The following EFTUD2 variants were observed in gnomAD, a reference collection of about 807,000 sequenced individuals.
EFTUD2 encodes elongation factor Tu GTP binding domain containing 2.
A neutral mutation model predicts 114.3 loss-of-function variants in EFTUD2; 9 were observed. The observed-to-expected ratio is 0.08, with a 90% CI of 0.05 to 0.14. The LOEUF is 0.14. Among genes scored for constraint, EFTUD2 ranks in the 10% least tolerant of loss-of-function variants. The pLI, the probability that EFTUD2 is intolerant of heterozygous loss-of-function variation, is 1.00. For missense variants in EFTUD2, 765 were observed against 1,241.2 expected (o/e 0.62, Z 5.76); for synonymous variants, 449 against 462.3 (o/e 0.97, Z 0.37).
At chr17:44,863,108 C>CTT (rs35450462) in intron 15 of EFTUD2, 641 of 268,258 alleles carry the variant, frequency 2.4e-3, no homozygotes, top group Middle Eastern at 5.1e-3. Flanking sequence ...ATATTCTCCT[C>CTT]TTTTTTTTTT....
intron 13 of EFTUD2, chr17:44,865,346 G>C: frequency 3.0e-6 from 1 of 330,716 alleles, no homozygotes; most frequent in Non-Finnish European, 5.5e-6. Flanking sequence ...TGTCTGAAAA[G>C]CAGCATCTCC....
intron 9 of EFTUD2, among the ~76,000 whole-genome samples, chr17:44,876,953 G>A (rs1190254156): frequency 2.0e-5 from 3 of 151,222 alleles, no homozygotes; most frequent in African/African-American, 7.3e-5. Flanking sequence ...AGCATTTTGG[G>A]GAGGCCAAGG....
intron 5 of EFTUD2, 56 bp downstream of exon 5, chr17:44,883,593 C>T: frequency 2.0e-6 from 3 of 1,536,776 alleles, no homozygotes; most frequent in Non-Finnish European, 1.8e-6. Context: ...AGGGCTAAAA[C>T]ATGAGCAGGT....
chr17:44,888,516 G>A (rs1446864438), intron 2 of EFTUD2, among the ~76,000 whole-genome samples: 1 of 152,216 alleles, frequency 6.6e-6, no homozygotes, highest in Admixed American at 6.5e-5. Context: ...GAAGCAAGAA[G>A]ATTAGTTAGG....
intron 19 of EFTUD2, chr17:44,857,441 G>A: frequency 2.8e-6 from 1 of 360,824 alleles, no homozygotes; most frequent in Admixed American, 3.7e-5. Flanking sequence ...GTAGCTCTCA[G>A]CATCCATTCA....
In EFTUD2 at chr17:44,886,595, C is replaced by T; in HGVS notation, c.261G>A (p.Gln87=). The part of the protein sequence containing the change: ...VETIVQEEDT[Q]PLTEPIIKPV... ...GTCCTCCTGATGTACCTGTGAGAGG[C>T]TGAGTGTCTTCCTCTTGAACTATGG... Residue 87 remains glutamine, a synonymous_variant, in exon 3 of 28, where the codon CAG becomes CAA. Transcript: ENST00000426333. 6 of 1,614,176 alleles carry T rather than the reference C, an allele frequency of 3.7e-6. No homozygotes were observed. Among genetic ancestry groups the T allele is most frequent in the South Asian group, 1.1e-5 (1 of 91,082 alleles).
chr17:44,853,874 G>C (rs146907684), intron 23 of EFTUD2: 2 of 1,391,526 alleles, frequency 1.4e-6, no homozygotes, highest in African/African-American at 2.9e-5. Flanking sequence ...AGCTTTCCTA[G>C]AAGTTTATTT....
intron 9 of EFTUD2, among the ~76,000 whole-genome samples, chr17:44,878,641 T>C (rs1437093374): frequency 6.6e-6 from 1 of 152,260 alleles, no homozygotes; most frequent in Non-Finnish European, 1.5e-5. Context: ...AATATTTTAC[T>C]TTCAAACAGT....
rs1326032794 is a variant in EFTUD2, at chr17:44,859,090, A to G, written c.1952T>C (p.Ile651Thr). The G allele has an allele frequency of 6.2e-7, 1 of 1,611,278 alleles. No homozygotes were observed. Among genetic ancestry groups the G allele is most frequent in the Non-Finnish European group, 8.5e-7 (1 of 1,177,404 alleles). The change falls in exon 19 of 28, where the codon ATA becomes ACA. Residue 651 changes from isoleucine to threonine, a missense_variant. By Grantham distance (89) the Ile-to-Thr change is moderately conservative. This residue lies in a region of EFTUD2 where 149 missense variants were observed against 245.1 expected (regional missense o/e 0.61). Transcript: ENST00000426333. ...MHDLRKMYSEIDIKVADPVVT... is the reference protein window; with the variant it reads ...MHDLRKMYSETDIKVADPVVT... ...CAGATACTGCTGTACCTTGATGTCT[A>G]TCTCTGAGTACATCTTCCGCAAATC...
At chr17:44,889,854 T>C (rs1271881215) in intron 2 of EFTUD2, among the ~76,000 whole-genome samples, 2 of 152,222 alleles carry the variant, frequency 1.3e-5, no homozygotes, top group Admixed American at 6.5e-5. Context: ...TCCTGCCCCA[T>C]ACTGCTGAAT....
At chr17:44,866,433 C>T (rs1156303499) in intron 13 of EFTUD2, among the ~76,000 whole-genome samples, 1 of 147,894 alleles carries the variant, frequency 6.8e-6, no homozygotes, top group Non-Finnish European at 1.5e-5. Flanking sequence ...TTTTTTGAGA[C>T]GGAGTCTTGC....
chr17:44,864,347 T>G (rs1340583411), intron 14 of EFTUD2, among the ~76,000 whole-genome samples: 1 of 152,056 alleles, frequency 6.6e-6, no homozygotes, highest in Non-Finnish European at 1.5e-5. Context: ...GACACCTAAT[T>G]CCCACCGGAC....
chr17:44,851,137 G>C lies in EFTUD2; in HGVS notation c.*137C>G. 1 of 722,566 alleles carries C rather than the reference G, an allele frequency of 1.4e-6. No individual in the cohort carries two copies. The highest frequency in any genetic ancestry group is 2.5e-6 in the Non-Finnish European group (1 of 407,168). 44.8% of individuals were successfully genotyped at this position (722,566 alleles called of 1,614,324 possible). ...CACTGGGGCTCTGGGTTGGAGGTTG[G>C]TGAGTTGTTCAAGATGGCAACAGCA... On this transcript the variant is annotated 3_prime_UTR_variant, in exon 28 of 28. Transcript: ENST00000426333.
chr17:44,853,643 G>C lies in EFTUD2; in HGVS notation c.2348-8C>G. The C allele has an allele frequency of 6.2e-7, 1 of 1,613,256 alleles. No individual in the cohort carries two copies. The highest frequency in any genetic ancestry group is 8.5e-7 in the Non-Finnish European group (1 of 1,179,292). ...ACTTGACATTCCGAATCACTGTAAAGGAGGTGGAGGGAGTGACTGGGGAGA... is the reference window on the plus strand; with the variant it reads ...ACTTGACATTCCGAATCACTGTAAACGAGGTGGAGGGAGTGACTGGGGAGA... On this transcript the variant is annotated splice_polypyrimidine_tract_variant and splice_region_variant and intron_variant, in intron 23 of 27. Transcript: ENST00000426333.
chr17:44,857,920 C>CTTTTTTTTTTTTTTT (rs528299306), intron 19 of EFTUD2, among the ~76,000 whole-genome samples: 2 of 127,494 alleles, frequency 1.6e-5, no homozygotes, highest in African/African-American at 6.1e-5. Context: ...TTTCTTTTTC[C>CTTTTTTTTTTTTTTT]TTTTTTTTTT....
intron 11 of EFTUD2, among the ~76,000 whole-genome samples, chr17:44,869,410 C>G (rs902012689): frequency 6.6e-6 from 1 of 152,142 alleles, no homozygotes; most frequent in Non-Finnish European, 1.5e-5. Context: ...GCAATCCCCC[C>G]ACCTCTGCCT....
intron 1 of EFTUD2, among the ~76,000 whole-genome samples, chr17:44,896,775 C>T (rs12947309): frequency 0.26 from 39,805 of 152,188 alleles, 5,290 homozygotes; most frequent in Non-Finnish European, 0.28. Flanking sequence ...ATTCAAATCC[C>T]AACTTTGTCA....
At chr17:44,892,865 G>T (rs1003605336) in intron 2 of EFTUD2, among the ~76,000 whole-genome samples, 2 of 151,444 alleles carry the variant, frequency 1.3e-5, no homozygotes, top group African/African-American at 2.4e-5. Flanking sequence ...TCAAACTCCT[G>T]GGCTCAAGCG....
rs1057224816 is a variant in EFTUD2 at position 44,894,624 on chromosome 17, C to G, written c.-4-99G>C. 5 of 855,524 alleles carry G rather than the reference C, an allele frequency of 5.8e-6. No homozygotes were observed. The African/African-American group carries it at 8.3e-5, about 14-fold the overall frequency. 53.0% of individuals were successfully genotyped at this position (855,524 alleles called of 1,614,324 possible). On this transcript the variant is annotated intron_variant, in intron 1 of 27. Transcript: ENST00000426333. ...AGTCTTAGTCTTATGGTTGGCCATA[C>G]CCCTTTCACATGCCTCCTCTCCAGT... is the stretch of plus-strand genomic sequence containing the variant.
Sources: gnomAD v4.1 joint callset for allele counts (sites outside exome capture counted in the v4.1 genomes callset) on GRCh38, gnomAD v4.1.1 for gene constraint, gnomAD v4.1.1 regional missense constraint, MANE v1.5 for transcripts, NCBI Gene and HGNC (gene_info 2026-07-23, HGNC 2026-07-21) for gene names.